WIPI2: variants seen among roughly 807,000 people sequenced by gnomAD.
The protein encoded by WIPI2 is WD repeat domain phosphoinositide-interacting protein 2.
A neutral mutation model predicts 52.3 loss-of-function variants in WIPI2; 28 were observed. That is an observed-to-expected ratio of 0.54 (90% confidence interval 0.40 to 0.73). The LOEUF (loss-of-function observed/expected upper bound fraction) is 0.73, where lower values mean the gene tolerates loss of function less well. Among genes scored for constraint, WIPI2 ranks in the 30% least tolerant of loss-of-function variants. WIPI2 has a pLI of 0.00. For synonymous variants in WIPI2, 268 were observed against 245.0 expected (o/e 1.09, Z -0.88); for missense variants, 506 against 602.9 (o/e 0.84, Z 1.68).
At chr7:5,206,302 A>G (rs1782293351) in intron 3 of WIPI2, among the ~76,000 whole-genome samples, 1 of 152,172 alleles carries the variant, frequency 6.6e-6, no homozygotes, top group South Asian at 2.1e-4. Context: ...CTTACTCTGA[A>G]GCATTTAGGG....
At position 5,231,863 on chromosome 7, in the gene WIPI2, G is replaced by A. The variant is rs953049492; in HGVS notation, c.*916G>A. On this transcript the variant is annotated 3_prime_UTR_variant, in exon 13 of 13. Transcript: ENST00000288828. The stretch of plus-strand genomic sequence containing the variant: ...TTCGCTGGCCCCGCTGTCCGCAGGG[G>A]CTTCCTACCTGTGTGAGAGGTCGTA... 13 of 244,834 alleles carry A rather than the reference G, an allele frequency of 5.3e-5. No homozygotes were observed. The highest frequency in any genetic ancestry group is 1.0e-4 in the Non-Finnish European group (13 of 128,814). The allele number at this position is 244,834 out of a possible 1,614,324, so 15.2% of individuals were successfully genotyped here.
intron 8 of WIPI2, among the ~76,000 whole-genome samples, chr7:5,223,665 G>A (rs989358530): frequency 2.0e-5 from 3 of 152,150 alleles, no homozygotes; most frequent in Non-Finnish European, 2.9e-5. Context: ...GGGGCTGGAC[G>A]TGTAGCCTGG....
chr7:5,224,334 C>A (rs924748687), intron 8 of WIPI2, among the ~76,000 whole-genome samples: 1 of 152,232 alleles, frequency 6.6e-6, no homozygotes, highest in Non-Finnish European at 1.5e-5. Flanking sequence ...TCCCTTTCTC[C>A]ATGCGTCTCT....
intron 4 of WIPI2, 192 bp from the exon 5 acceptor site, chr7:5,216,371 G>A: frequency 2.4e-6 from 1 of 419,274 alleles, no homozygotes; most frequent in Non-Finnish European, 4.4e-6. Context: ...GGCAGAGGTT[G>A]CAGTGAGCCG....
At position 5,222,652 on chromosome 7, in the gene WIPI2, G is replaced by GT. The variant is rs1447908604; in HGVS notation, c.723dup (p.Arg242SerfsTer29). The GT allele has an allele frequency of 6.2e-7, 1 of 1,614,064 alleles. No individual in the cohort carries two copies. The highest frequency in any genetic ancestry group is 8.5e-7 in the Non-Finnish European group (1 of 1,179,968). ...TTCCAGAAGGACAAAAACTCTTTGA[G>GT]TTTCGGAGAGGAGTAAAGAGGTAAA... On this transcript the variant is annotated frameshift_variant, in exon 8 of 13. Transcript: ENST00000288828. LOFTEE classifies it high-confidence loss of function.
In WIPI2 at chr7:5,209,910, TGTTTTTTTG is replaced by T. The variant is rs1432960535; in HGVS notation, c.212-4613_212-4605del. Reference sequence around the variant, plus strand: ...CAGAACATAACTTCTTTTTTTGTTTTGTTTTTTTGGTTTTTTTGGTGGAGTCTCGTTGTG... The same window carrying T: ...CAGAACATAACTTCTTTTTTTGTTTTGTTTTTTTGGTGGAGTCTCGTTGTG... On this transcript the variant is annotated intron_variant, in intron 3 of 12. Coordinates refer to ENST00000288828, the MANE Select transcript of WIPI2 (RefSeq NM_015610.4). Among the ~76,000 whole-genome samples the T allele has an allele frequency of 4.6e-5, 7 of 152,254 alleles. No individual in the cohort carries two copies. In the South Asian group the frequency reaches 1.0e-3, roughly 23 times the overall value.
At chr7:5,225,103 G>A (rs1438638515) in intron 8 of WIPI2, among the ~76,000 whole-genome samples, 1 of 151,676 alleles carries the variant, frequency 6.6e-6, no homozygotes, top group African/African-American at 2.4e-5. Context: ...AAGACACACT[G>A]GAGCCACTTT....
At chr7:5,225,125 G>C (rs1485188503) in intron 8 of WIPI2, among the ~76,000 whole-genome samples, 1 of 151,932 alleles carries the variant, frequency 6.6e-6, no homozygotes, top group East Asian at 1.9e-4. Context: ...CCTGTTGAAA[G>C]TTTTGCTCTG....
At chr7:5,222,058 T>C (rs1783165853) in intron 7 of WIPI2, among the ~76,000 whole-genome samples, 1 of 151,984 alleles carries the variant, frequency 6.6e-6, no homozygotes. Flanking sequence ...CAAGCGATTC[T>C]TCTGCCTCAG....
rs1341535928 is a variant in WIPI2, at chr7:5,214,199, G to A, written c.212-336G>A. ...GTAGTAGTTTGTGTCTTAATTAAGG[G>A]AGCCCCTAGACCTTACTCTTTCACT... On this transcript the variant is annotated intron_variant, in intron 3 of 12. Coordinates refer to ENST00000288828, the MANE Select transcript of WIPI2 (RefSeq NM_015610.4). 4 of 1,163,336 alleles carry A rather than the reference G, an allele frequency of 3.4e-6. No individual in the cohort carries two copies. The East Asian group carries it at 1.8e-4, about 52-fold the overall frequency. 72.1% of individuals were successfully genotyped at this position (1,163,336 alleles called of 1,614,324 possible). A position where few individuals can be genotyped will look rare whatever the true frequency, so the allele number is the denominator to read the frequency against.
At chr7:5,224,734 C>T (rs1014961153) in intron 8 of WIPI2, among the ~76,000 whole-genome samples, 4 of 152,208 alleles carry the variant, frequency 2.6e-5, no homozygotes, top group Non-Finnish European at 5.9e-5. Flanking sequence ...CCGGATCCAT[C>T]AAGTGCAGGG....
At position 5,227,073 on chromosome 7, in the gene WIPI2, T is replaced by C; in HGVS notation, c.849-107T>C. The C allele has an allele frequency of 6.9e-7, 1 of 1,448,912 alleles. No individual in the cohort carries two copies. Among genetic ancestry groups the C allele is most frequent in the Non-Finnish European group, 9.4e-7 (1 of 1,068,172 alleles). The allele number at this position is 1,448,912 out of a possible 1,614,324, so 89.8% of individuals were successfully genotyped here. ...CCCTGTTTAATTTTCCTGTGAAGAA[T>C]GGAGACTTTTGCTGTCGGCTCCAGA... On this transcript the variant is annotated intron_variant, in intron 9 of 12. Coordinates refer to ENST00000288828, the MANE Select transcript of WIPI2 (RefSeq NM_015610.4). The surrounding 1 kb of genome is among the most constrained non-coding windows in gnomAD (Gnocchi z 8.1).
chr7:5,196,780 T>A (rs970623880), intron 2 of WIPI2, among the ~76,000 whole-genome samples: 4 of 152,060 alleles, frequency 2.6e-5, no homozygotes, highest in African/African-American at 9.7e-5. Context: ...AAGTGACAAC[T>A]GTCGGCAAAA....
At chr7:5,193,600 A>G (rs778795951) in intron 2 of WIPI2, among the ~76,000 whole-genome samples, 1 of 152,194 alleles carries the variant, frequency 6.6e-6, no homozygotes, top group Non-Finnish European at 1.5e-5. Context: ...ATGGAGTCTC[A>G]CTGTTGCACA....
chr7:5,191,073 G>A (rs1781461043), intron 1 of WIPI2, among the ~76,000 whole-genome samples: 1 of 152,118 alleles, frequency 6.6e-6, no homozygotes, highest in Non-Finnish European at 1.5e-5. Flanking sequence ...AGGCTGGAGT[G>A]CAGTGGTGCC....
At chr7:5,217,531 A>G (rs1199226588) in intron 6 of WIPI2, 8 of 391,270 alleles carry the variant, frequency 2.0e-5, no homozygotes, top group Admixed American at 2.0e-4. Context: ...TCCTGGCCTT[A>G]AGCCATCCTC....
chr7:5,193,557 T>C (rs969345746), intron 2 of WIPI2, among the ~76,000 whole-genome samples: 1 of 152,234 alleles, frequency 6.6e-6, no homozygotes, highest in Admixed American at 6.5e-5. Context: ...TTTGTTCATC[T>C]GTAAATCAAG....
rs555485804 is a variant in WIPI2 at position 5,232,368 on chromosome 7, C to T, written c.*1421C>T. 2 of 398,602 alleles carry T rather than the reference C, an allele frequency of 5.0e-6. No individual in the cohort carries two copies. The highest frequency in any genetic ancestry group is 1.3e-4 in the South Asian group (1 of 7,800). 24.7% of individuals were successfully genotyped at this position (398,602 alleles called of 1,614,324 possible). ...AAATGCCCCAGTGTTCCTGGGTTGG[C>T]TTTACGGCAAACTAAATGCAGGGGA... On this transcript the variant is annotated 3_prime_UTR_variant, in exon 13 of 13. Transcript: ENST00000288828.
At chr7:5,214,903 T>C (rs539140758) in intron 4 of WIPI2, among the ~76,000 whole-genome samples, 199 bp downstream of exon 4, 1 of 152,306 alleles carries the variant, frequency 6.6e-6, no homozygotes, top group African/African-American at 2.4e-5. Flanking sequence ...TCACGACAAA[T>C]GCCCGGGCCT....
Sources: allele counts gnomAD v4.1 joint callset (sites outside exome capture counted in the v4.1 genomes callset), GRCh38; gene constraint gnomAD v4.1.1; non-coding constraint Gnocchi (gnomAD v3.1); transcripts MANE v1.5; gene names NCBI Gene and HGNC (gene_info 2026-07-23, HGNC 2026-07-21).